The following LMO2 variants were observed in gnomAD, a reference collection of about 807,000 sequenced individuals.
The protein encoded by LMO2 is rhombotin-2.
A neutral mutation model predicts 23.2 loss-of-function variants in LMO2; 20 were observed. That is an observed-to-expected ratio of 0.86 (90% CI 0.61 to 1.25). The LOEUF is 1.25. LMO2 is among the 50% of genes most tolerant of loss of function. The probability of loss-of-function intolerance (pLI) is 0.00; values close to 1 mark genes in which losing one functional copy is unlikely to be tolerated. For synonymous variants in LMO2, 123 were observed against 130.2 expected (o/e 0.94, Z 0.38); for missense variants, 270 against 315.3 (o/e 0.86, Z 1.09).
Position 33,880,309 on chromosome 11 carries a change from C to CAT in LMO2, c.-272+1513_-272+1514dup, listed in dbSNP as rs1038614718. On this transcript the variant is annotated intron_variant, in intron 2 of 5. Transcript: ENST00000257818. This position sits in a 1 kb window ranked among gnomAD's most constrained non-coding sequence, Gnocchi z 4.3. ...TCATATATATCATATATATACATAT[C>CAT]ATATATATACATGCAAACACATATG... Among the ~76,000 whole-genome samples the CAT allele has an allele frequency of 1.0e-4, 14 of 137,468 alleles. No homozygotes were observed. Among genetic ancestry groups the CAT allele is most frequent in the Admixed American group, 8.8e-4 (12 of 13,580 alleles). The allele number at this position is 137,468 out of a possible 152,430, so 90.2% of individuals were successfully genotyped here.
At position 33,889,903 on chromosome 11, in the gene LMO2, A is replaced by T. The variant is rs1243265020; in HGVS notation, c.-336+1892T>A. On this transcript the variant is annotated intron_variant, in intron 1 of 5. Coordinates refer to ENST00000257818, the MANE Select transcript of LMO2 (RefSeq NM_005574.4). ...TGTGGAATCAACCTAAGTGTCCATC[A>T]ATGGATGATTGGATTTAAAACTGTG... is the stretch of plus-strand genomic sequence containing the variant. 3.3e-5 allele frequency among the ~76,000 whole-genome samples: 5 copies of T among 152,348 alleles called. No individual in the cohort carries two copies. The East Asian group carries it at 9.6e-4, about 29-fold the overall frequency.
At chr11:33,874,913 C>G (rs1857100667) in intron 2 of LMO2, among the ~76,000 whole-genome samples, 1 of 152,246 alleles carries the variant, frequency 6.6e-6, no homozygotes, top group African/African-American at 2.4e-5. Context: ...GAGCCGCCCC[C>G]AAATGTCACC....
intron 2 of LMO2, among the ~76,000 whole-genome samples, chr11:33,873,805 T>C (rs529165201): frequency 1.4e-3 from 217 of 151,026 alleles, no homozygotes; most frequent in African/African-American, 5.3e-3. Context: ...ATCATTTTTT[T>C]CCCCTGTGGG....
intron 1 of LMO2, among the ~76,000 whole-genome samples, chr11:33,883,857 G>A (rs79496231): frequency 0.016 from 2,411 of 152,266 alleles, 78 homozygotes; most frequent in African/African-American, 0.054. Context: ...ATTAACAGCC[G>A]GTGATTTCAA....
At chr11:33,878,628 A>C (rs1336903101) in intron 2 of LMO2, among the ~76,000 whole-genome samples, 2 of 152,196 alleles carry the variant, frequency 1.3e-5, no homozygotes, top group African/African-American at 4.8e-5. Flanking sequence ...ATTCCTCTCC[A>C]GTCTTCTCTG....
intron 2 of LMO2, among the ~76,000 whole-genome samples, chr11:33,879,467 A>T (rs1857211905): frequency 6.6e-6 from 1 of 151,640 alleles, no homozygotes; most frequent in African/African-American, 2.4e-5. Context: ...CTTAAAAAAA[A>T]AAAAAAAAAA....
chr11:33,874,948 G>A (rs1857101399), intron 2 of LMO2, among the ~76,000 whole-genome samples: 1 of 152,246 alleles, frequency 6.6e-6, no homozygotes, highest in Admixed American at 6.5e-5. Flanking sequence ...TCTTAGCAGT[G>A]TTAAGCTCAT....
intron 5 of LMO2, among the ~76,000 whole-genome samples, chr11:33,861,597 C>T (rs1039971370): frequency 6.6e-6 from 1 of 152,176 alleles, no homozygotes; most frequent in Non-Finnish European, 1.5e-5. Flanking sequence ...CATTGGAGGT[C>T]ACAGAGTGGA....
rs2273799 is a variant in LMO2 at position 33,892,021 on chromosome 11, T to C, written c.-562A>G. On this transcript the variant is annotated 5_prime_UTR_variant, in exon 1 of 6. Transcript: ENST00000257818. The stretch of plus-strand genomic sequence containing the variant: ...GAGGGCAGGTGGGGGTATTTCCTTC[T>C]CAATTCTGCTCAAGGCCCGTTGCTG... The C allele has an allele frequency of 0.44, 66,560 of 152,032 alleles. 15,250 individuals are homozygous for C. Among genetic ancestry groups the C allele is most frequent in the East Asian group, 0.59 (3,049 of 5,164 alleles). The allele number at this position is 152,032 out of a possible 1,614,324, so 9.4% of individuals were successfully genotyped here.
chr11:33,879,357 C>T (rs1857208796), intron 2 of LMO2, among the ~76,000 whole-genome samples: 1 of 151,774 alleles, frequency 6.6e-6, no homozygotes, highest in African/African-American at 2.4e-5. Flanking sequence ...CTGTGGCTCA[C>T]ACCTGTAATC....
intron 4 of LMO2, among the ~76,000 whole-genome samples, chr11:33,868,245 T>C (rs1300260313): frequency 6.6e-6 from 1 of 152,130 alleles, no homozygotes; most frequent in East Asian, 1.9e-4. Context: ...AAAGCCGAAA[T>C]TGAAGGGTGT....
At position 33,869,468 on chromosome 11, in the gene LMO2, C is replaced by G; in HGVS notation, c.126G>C (p.Glu42Asp). ...GGGGGGARAPEGVRAPAAGQP... is the reference protein window; with the variant it reads ...GGGGGGARAPDGVRAPAAGQP... Reference sequence around the variant, plus strand: ...GGCCGGCTGCCGGGGCTCGGACCCCCTCGGGTGCTCGGGCGCCGCCGCCGC... The same window carrying G: ...GGCCGGCTGCCGGGGCTCGGACCCCGTCGGGTGCTCGGGCGCCGCCGCCGC... Residue 42 changes from glutamate to aspartate, a missense_variant, in exon 4 of 6, where the codon GAG becomes GAC. Glu to Asp is a conservative substitution (Grantham distance 45). Around this residue, in one of 2 missense-constraint regions of LMO2, gnomAD observed 170 missense variants for 162.0 expected, o/e 1.05. Coordinates refer to ENST00000257818, the MANE Select transcript of LMO2 (RefSeq NM_005574.4). 8.3e-7 allele frequency: 1 copy of G among 1,208,668 alleles called. No homozygotes were observed. Among genetic ancestry groups the G allele is most frequent in the Non-Finnish European group, 1.0e-6 (1 of 969,606 alleles). 74.9% of individuals were successfully genotyped at this position (1,208,668 alleles called of 1,614,324 possible). A position where few individuals can be genotyped will look rare whatever the true frequency, so the allele number is the denominator to read the frequency against.
chr11:33,886,119 C>G (rs866685681), intron 1 of LMO2, among the ~76,000 whole-genome samples: 3 of 152,172 alleles, frequency 2.0e-5, no homozygotes, highest in Middle Eastern at 3.2e-3. Flanking sequence ...TTCAGGTGAT[C>G]CACCTGCCTT....
intron 2 of LMO2, chr11:33,870,409 C>T (rs1469453245): frequency 1.6e-5 from 16 of 985,486 alleles, no homozygotes; most frequent in East Asian, 2.3e-4. Context: ...GGTCCACGGA[C>T]GCCGTGCACT....
In LMO2 at chr11:33,864,394, G is replaced by A. The variant is rs568112871; in HGVS notation, c.464+208C>T. On this transcript the variant is annotated intron_variant, in intron 5 of 5. Transcript: ENST00000257818. This position sits in a 1 kb window ranked among gnomAD's most constrained non-coding sequence, Gnocchi z 4.8. ...TATTAGTATTTTACCACATAGGAAC[G>A]TAACCCTGAGAACATGCTTCTCAAA... Among the ~76,000 whole-genome samples the A allele has an allele frequency of 6.6e-6, 1 of 152,272 alleles. No individual in the cohort carries two copies. Among genetic ancestry groups the A allele is most frequent in the East Asian group, 1.9e-4 (1 of 5,186 alleles).
Position 33,869,864 on chromosome 11 carries a change from C to T in LMO2, c.-148G>A, listed in dbSNP as rs895484186. 10 of 1,055,596 alleles carry T rather than the reference C, an allele frequency of 9.5e-6. No individual in the cohort carries two copies. The highest frequency in any genetic ancestry group is 3.4e-5 in the African/African-American group (2 of 58,930). 65.4% of individuals were successfully genotyped at this position (1,055,596 alleles called of 1,614,324 possible). On this transcript the variant is annotated 5_prime_UTR_variant, in exon 3 of 6. Coordinates refer to ENST00000257818, the MANE Select transcript of LMO2 (RefSeq NM_005574.4). The stretch of plus-strand genomic sequence containing the variant: ...GCGGCGCGCTGCTCGCCGCCGAGGG[C>T]AGAGAGGGGGCGGCGGCCTAGGGGC...
In LMO2 at chr11:33,859,396, T is replaced by G. The variant is rs1856482036; in HGVS notation, c.644A>C (p.Gln215Pro). The change falls in exon 6 of 6, where the codon CAG becomes CCG. Residue 215 changes from glutamine to proline, a missense_variant. Coordinates refer to ENST00000257818, the MANE Select transcript of LMO2 (RefSeq NM_005574.4). Reference protein sequence around the residue: ...LLINSDIVCEQDIYEWTKING... With the variant: ...LLINSDIVCEPDIYEWTKING... ...GATCTTAGTCCACTCGTAGATGTCC[T>G]GTTCGCACACTATGTCAGAGTTGAT... 2 of 1,614,178 alleles carry G rather than the reference T, an allele frequency of 1.2e-6. No homozygotes were observed. The highest frequency in any genetic ancestry group is 2.2e-5 in the East Asian group (1 of 44,876).
In LMO2 at chr11:33,869,758, T is replaced by A. The variant is rs1856949309; in HGVS notation, c.-42A>T. On this transcript the variant is annotated 5_prime_UTR_variant, in exon 3 of 6. Coordinates refer to ENST00000257818, the MANE Select transcript of LMO2 (RefSeq NM_005574.4). Reference sequence around the variant, plus strand: ...CCACCGCCCGGTCCCTCTCGCGCGCTGTCGCCGGCTCCGCGCCGCCCGCGG... The same window carrying A: ...CCACCGCCCGGTCCCTCTCGCGCGCAGTCGCCGGCTCCGCGCCGCCCGCGG... 3 of 1,215,818 alleles carry A rather than the reference T, an allele frequency of 2.5e-6. No homozygotes were observed. The Admixed American group carries it at 1.2e-4, about 47-fold the overall frequency. 75.3% of individuals were successfully genotyped at this position (1,215,818 alleles called of 1,614,324 possible).
At chr11:33,875,609 C>T (rs552382324) in intron 2 of LMO2, among the ~76,000 whole-genome samples, 2 of 151,764 alleles carry the variant, frequency 1.3e-5, no homozygotes, top group South Asian at 4.2e-4. Flanking sequence ...TTTGAGCACC[C>T]ATTGATAATT....
Sources: gnomAD v4.1 joint callset for allele counts (sites outside exome capture counted in the v4.1 genomes callset) on GRCh38, gnomAD v4.1.1 for gene constraint, gnomAD v4.1.1 regional missense constraint, Gnocchi (gnomAD v3.1) non-coding constraint, MANE v1.5 for transcripts, NCBI Gene and HGNC (gene_info 2026-07-23, HGNC 2026-07-21) for gene names.